ABCC6: variants seen among roughly 807,000 people sequenced by gnomAD.
ABCC6 encodes the protein ATP-binding cassette sub-family C member 6.
Under a neutral mutation model 169.5 loss-of-function variants are expected in ABCC6, and 126 were observed. That is an observed-to-expected ratio of 0.74 (90% CI 0.64 to 0.86). The LOEUF is 0.86. Ranked by LOEUF, ABCC6 falls within the 40% of genes least tolerant of loss-of-function variation. The probability of loss-of-function intolerance (pLI) is 0.00; values close to 1 mark genes in which losing one functional copy is unlikely to be tolerated. For missense variants in ABCC6, 1,733 were observed against 1,927.2 expected (o/e 0.90, Z 1.89); for synonymous variants, 752 against 814.7 (o/e 0.92, Z 1.31).
At chr16:16,159,679 C>T (rs1008644232) in intron 25 of ABCC6, 96 bp from the exon 26 acceptor site, 3 of 1,101,250 alleles carry the variant, frequency 2.7e-6, no homozygotes, top group Non-Finnish European at 2.7e-6. Context: ...GGAGGCCAGA[C>T]CCAGGGGAGT....
rs771892138 is a variant in ABCC6, at chr16:16,173,383, C to T, written c.2688G>A (p.Glu896=). ...GGGCTTCTGAAGTGGTACGGTCCTT[C>T]TCAGGGACTGACTTGATGGACCTGT... ...RRERSIKSVP[E]KDRTTSEAQT... Residue 896 remains glutamate, a synonymous_variant, in exon 21 of 31, where the codon GAG becomes GAA. Transcript: ENST00000205557. 6.8e-6 allele frequency: 11 copies of T among 1,613,934 alleles called. 1 individual carries two copies. Among genetic ancestry groups the T allele is most frequent in the Middle Eastern group, 3.3e-4 (2 of 6,084 alleles).
In ABCC6 at chr16:16,214,427, C is replaced by A; in HGVS notation, c.497G>T (p.Arg166Leu). 1.3e-6 allele frequency: 2 copies of A among 1,551,036 alleles called. No homozygotes were observed. The highest frequency in any genetic ancestry group is 1.7e-6 in the Non-Finnish European group (2 of 1,146,784). ...CAGGCATAGGTAGGTGGACAGGTGG[C>A]GGACAGGGTCGCTCTGGAAGCCCTG... ...SGAGFQSDPV[R>L]HLSTYLCLSL... Residue 166 changes from arginine (R) to leucine (L), a missense_variant, in exon 5 of 31, where the codon CGC becomes CTC. By Grantham distance (102) the Arg-to-Leu change is moderately radical (BLOSUM62 -2). Coordinates refer to ENST00000205557, the MANE Select transcript of ABCC6 (RefSeq NM_001171.6).
At position 16,216,260 on chromosome 16, in the gene ABCC6, T is replaced by C. The variant is rs565386661; in HGVS notation, c.475-1811A>G. Among the ~76,000 whole-genome samples the C allele has an allele frequency of 6.3e-3, 963 of 152,160 alleles. 14 individuals are homozygous for C. The highest frequency in any genetic ancestry group is 0.022 in the African/African-American group (914 of 41,502). ...TTAAAATGTACAATTAAATTATTAT[T>C]GACTATAGTCACCCTGTTGTGCTAT... is the stretch of plus-strand genomic sequence containing the variant. On this transcript the variant is annotated intron_variant, in intron 4 of 30. Coordinates refer to ENST00000205557, the MANE Select transcript of ABCC6 (RefSeq NM_001171.6).
At chr16:16,189,109 C>A in intron 12 of ABCC6, 135 bp from the exon 13 acceptor site, 1 of 1,005,164 alleles carries the variant, frequency 9.9e-7, no homozygotes, top group South Asian at 1.4e-5. Flanking sequence ...TCCGTAGATC[C>A]CACTCCCAGT....
chr16:16,202,786 T>A (rs1406372016), intron 8 of ABCC6, among the ~76,000 whole-genome samples: 1 of 152,218 alleles, frequency 6.6e-6, no homozygotes, highest in Non-Finnish European at 1.5e-5. Flanking sequence ...TCAGTCTCAG[T>A]CTGTGATGCT....
intron 9 of ABCC6, among the ~76,000 whole-genome samples, chr16:16,199,715 A>G (rs1277001246): frequency 1.5e-5 from 2 of 130,100 alleles, no homozygotes; most frequent in Admixed American, 1.7e-4. Flanking sequence ...AACAACAGAG[A>G]TGAGGCTTGC....
intron 11 of ABCC6, among the ~76,000 whole-genome samples, chr16:16,190,581 A>C (rs1316940240): frequency 1.3e-5 from 2 of 151,586 alleles, no homozygotes; most frequent in African/African-American, 4.8e-5. Flanking sequence ...AATGTGCCCC[A>C]TGGAGGAAGC....
At position 16,150,571 on chromosome 16, in the gene ABCC6, G is replaced by A. The variant is rs1369860870; in HGVS notation, c.4403+7C>T. 7 of 1,605,974 alleles carry A rather than the reference G, an allele frequency of 4.4e-6. No homozygotes were observed. Among genetic ancestry groups the A allele is most frequent in the East Asian group, 4.5e-5 (2 of 44,644 alleles). Reference sequence around the variant, plus strand: ...GCTGTGAGGTCAGGCCGGGGCGGGAGCCTTACCGGGCACAGTCCATCACGG... The same window carrying A: ...GCTGTGAGGTCAGGCCGGGGCGGGAACCTTACCGGGCACAGTCCATCACGG... On this transcript the variant is annotated splice_region_variant and intron_variant, in intron 30 of 30. Coordinates refer to ENST00000205557, the MANE Select transcript of ABCC6 (RefSeq NM_001171.6).
chr16:16,176,450 C>T (rs1427985439), intron 19 of ABCC6, among the ~76,000 whole-genome samples: 1 of 152,214 alleles, frequency 6.6e-6, no homozygotes, highest in Non-Finnish European at 1.5e-5. Context: ...CTGTAAGCAA[C>T]AAGTAACTGC....
Position 16,198,152 on chromosome 16 carries a change from C to A in ABCC6, c.1207G>T (p.Ala403Ser), listed in dbSNP as rs1250616506. Reference sequence around the variant, plus strand: ...TTGACCACATCACCCACCGCACTGGCCTTTCTGGAGCCGCTGGACAGAGCC... The same window carrying A: ...TTGACCACATCACCCACCGCACTGGACTTTCTGGAGCCGCTGGACAGAGCC... ...VLALSSGSRK[A>S]SAVGDVVNLV... Residue 403 changes from alanine to serine, a missense_variant, in exon 10 of 31, where the codon GCC becomes TCC. Transcript: ENST00000205557. 1 of 1,608,512 alleles carries A rather than the reference C, an allele frequency of 6.2e-7. No homozygotes were observed. Among genetic ancestry groups the A allele is most frequent in the Non-Finnish European group, 8.5e-7 (1 of 1,177,366 alleles).
intron 14 of ABCC6, among the ~76,000 whole-genome samples, chr16:16,185,807 CTAAT>C (rs1284011182): frequency 6.6e-6 from 1 of 152,116 alleles, no homozygotes; most frequent in East Asian, 1.9e-4. Flanking sequence ...GCTACTACTA[CTAAT>C]TATTATTATT....
chr16:16,162,282 C>G (rs2046744367), intron 24 of ABCC6, among the ~76,000 whole-genome samples: 1 of 152,130 alleles, frequency 6.6e-6, no homozygotes, highest in South Asian at 2.1e-4. Flanking sequence ...TATTGAGCAC[C>G]TAGTGTGTAC....
intron 18 of ABCC6, among the ~76,000 whole-genome samples, chr16:16,178,266 C>G (rs1016358705): frequency 1.4e-4 from 22 of 151,998 alleles, no homozygotes; most frequent in Admixed American, 1.1e-3. Context: ...GCCGGAGCTT[C>G]CAGTGAGCGG....
At chr16:16,177,741 G>T (rs1246734829) in intron 18 of ABCC6, 115 bp from the exon 19 acceptor site, 4 of 1,300,700 alleles carry the variant, frequency 3.1e-6, no homozygotes, top group South Asian at 1.3e-5. Flanking sequence ...CCAGAAGTTC[G>T]AGACCAGCCT....
chr16:16,197,709 T>C (rs997099297), intron 10 of ABCC6, among the ~76,000 whole-genome samples: 1 of 27,826 alleles, frequency 3.6e-5, no homozygotes, highest in Admixed American at 5.3e-4. Flanking sequence ...CAGGGAGGGG[T>C]GCAAGAGGAG....
At chr16:16,189,089 T>C (rs759432826) in intron 12 of ABCC6, 115 bp from the exon 13 acceptor site, 29 of 1,238,298 alleles carry the variant, frequency 2.3e-5, no homozygotes, top group Non-Finnish European at 3.4e-5. Flanking sequence ...CATGTCCGCA[T>C]GTGCTTCCCT....
At chr16:16,190,452 C>T in intron 11 of ABCC6, 85 bp from the exon 12 acceptor site, 1 of 1,475,678 alleles carries the variant, frequency 6.8e-7, no homozygotes, top group South Asian at 1.1e-5. Flanking sequence ...TTCAGCAAAT[C>T]CCATTCATCT....
At chr16:16,221,431 G>A in intron 2 of ABCC6, 1 of 1,432,728 alleles carries the variant, frequency 7.0e-7, no homozygotes, top group South Asian at 1.5e-5. Flanking sequence ...GCGTATGTTT[G>A]CGCATGCGTG....
At chr16:16,184,459 G>A (rs574175884) in intron 15 of ABCC6, among the ~76,000 whole-genome samples, 5 of 152,136 alleles carry the variant, frequency 3.3e-5, no homozygotes, top group Admixed American at 3.3e-4. Flanking sequence ...GATGAAGTGA[G>A]TGAATGACAA....
Sources: allele counts gnomAD v4.1 joint callset (sites outside exome capture counted in the v4.1 genomes callset), GRCh38; gene constraint gnomAD v4.1.1; transcripts MANE v1.5; gene names NCBI Gene and HGNC (gene_info 2026-07-23, HGNC 2026-07-21).